Variants in GRM7 observed in about 807,000 individuals in gnomAD.
GRM7 encodes glutamate metabotropic receptor 7.
Under a neutral mutation model 84.5 loss-of-function variants are expected in GRM7, and 35 were observed. The observed-to-expected ratio is 0.41, with a 90% CI of 0.32 to 0.55. GRM7 has a LOEUF of 0.55. GRM7 is among the 20% of genes least tolerant of loss of function. GRM7 has a pLI of 0.19. For synonymous variants in GRM7, 487 were observed against 455.1 expected (o/e 1.07, Z -0.89); for missense variants, 1,003 against 1,194.6 (o/e 0.84, Z 2.36).
chr3:7,324,053 A>G (rs181478114), intron 4 of GRM7, among the ~76,000 whole-genome samples: 1 of 152,082 alleles, frequency 6.6e-6, no homozygotes, highest in Admixed American at 6.5e-5. Context: ...AGTTCATTCT[A>G]ATTATATATT....
rs187891379 is a variant in GRM7, at chr3:7,051,572, A to T, written c.520-94880A>T. On this transcript the variant is annotated intron_variant, in intron 1 of 9. Transcript: ENST00000357716. ...TTTTTCTTTTTAACTCAAATTACTG[A>T]TGAAGGAATCCTTAGGAAAAGTTGA... is the stretch of plus-strand genomic sequence containing the variant. Among the ~76,000 whole-genome samples, 9 of 151,896 alleles carry T rather than the reference A, an allele frequency of 5.9e-5. No homozygotes were observed. The East Asian group carries it at 1.2e-3, about 20-fold the overall frequency.
At chr3:6,986,229 C>CA (rs767836893) in intron 1 of GRM7, among the ~76,000 whole-genome samples, 2 of 151,978 alleles carry the variant, frequency 1.3e-5, no homozygotes, top group South Asian at 2.1e-4. Context: ...TGAAAAAACC[C>CA]AAAAAACACA....
chr3:7,541,078 G>A (rs112010321), intron 7 of GRM7, among the ~76,000 whole-genome samples: 45 of 152,178 alleles, frequency 3.0e-4, no homozygotes, highest in African/African-American at 1.0e-3. Flanking sequence ...CAGTGATATG[G>A]GGGCCAGGAA....
chr3:7,543,348 A>G (rs536905734), intron 7 of GRM7, among the ~76,000 whole-genome samples: 2 of 152,320 alleles, frequency 1.3e-5, no homozygotes, highest in South Asian at 4.1e-4. Context: ...GTGGTGGTGG[A>G]GATGACAATG....
intron 7 of GRM7, among the ~76,000 whole-genome samples, chr3:7,528,214 C>T (rs1207112395): frequency 6.6e-6 from 1 of 151,954 alleles, no homozygotes; most frequent in Admixed American, 6.6e-5. Flanking sequence ...CATTATTGGT[C>T]TGTTGAGGGT....
chr3:6,947,189 T>C (rs1001232089), intron 1 of GRM7, among the ~76,000 whole-genome samples: 3 of 152,194 alleles, frequency 2.0e-5, no homozygotes, highest in Non-Finnish European at 4.4e-5. Context: ...GGCTGTGGGT[T>C]TGTCGTAGAT....
chr3:7,421,076 G>A (rs999634849), intron 5 of GRM7, among the ~76,000 whole-genome samples: 3 of 152,102 alleles, frequency 2.0e-5, no homozygotes, highest in Admixed American at 6.5e-5. Flanking sequence ...ATAGACTTTA[G>A]TGTAACATTA....
chr3:7,306,378 T>A, intron 3 of GRM7, 120 bp from the exon 4 acceptor site: 1 of 773,468 alleles, frequency 1.3e-6, no homozygotes, highest in Non-Finnish European at 2.2e-6. Context: ...TTATCAAGTT[T>A]TTTGCAATTA....
intron 3 of GRM7, 118 bp downstream of exon 3, chr3:7,298,943 C>A: frequency 1.1e-6 from 1 of 921,120 alleles, no homozygotes; most frequent in Non-Finnish European, 1.7e-6. Flanking sequence ...AATCATACAG[C>A]GGCGAAGTCT....
intron 1 of GRM7, among the ~76,000 whole-genome samples, chr3:7,035,010 G>C (rs1396354321): frequency 6.6e-6 from 1 of 152,130 alleles, no homozygotes; most frequent in East Asian, 1.9e-4. Context: ...CCTTTTCTAG[G>C]TTCTTGGGGA....
intron 2 of GRM7, among the ~76,000 whole-genome samples, chr3:7,282,255 T>C (rs1337088383): frequency 6.6e-6 from 1 of 152,222 alleles, no homozygotes; most frequent in Non-Finnish European, 1.5e-5. Flanking sequence ...ATTATCTTAC[T>C]ATACTGGAGG....
At chr3:7,565,017 G>A (rs1694195317) in intron 7 of GRM7, among the ~76,000 whole-genome samples, 1 of 152,162 alleles carries the variant, frequency 6.6e-6, no homozygotes, top group Non-Finnish European at 1.5e-5. Context: ...CCTCCACCTA[G>A]TAACTGAGTG....
intron 2 of GRM7, among the ~76,000 whole-genome samples, chr3:7,191,949 T>C (rs1210311271): frequency 6.6e-6 from 1 of 152,122 alleles, no homozygotes; most frequent in Non-Finnish European, 1.5e-5. Flanking sequence ...ACCAGGTACA[T>C]CCGAATTTTA....
intron 1 of GRM7, among the ~76,000 whole-genome samples, chr3:7,021,925 G>A (rs181812365): frequency 1.9e-4 from 29 of 152,190 alleles, no homozygotes; most frequent in Non-Finnish European, 2.2e-4. Flanking sequence ...TGCCTAATGC[G>A]TTACTACACT....
chr3:7,726,642 TATATATATATATATATATATATAG>T (rs1397148450), intron 9 of GRM7, among the ~76,000 whole-genome samples: 10 of 113,116 alleles, frequency 8.8e-5, no homozygotes, highest in South Asian at 6.3e-4. Context: ...TATATATATA[TATATATATATATATATATATATAG>T]GTTTTCCCCA....
chr3:6,974,394 C>A (rs754913074), intron 1 of GRM7, among the ~76,000 whole-genome samples: 2 of 152,026 alleles, frequency 1.3e-5, no homozygotes, highest in Non-Finnish European at 2.9e-5. Flanking sequence ...GAGCTGTCAG[C>A]CTAGAAATAA....
chr3:7,096,739 C>G (rs1698874187), intron 1 of GRM7, among the ~76,000 whole-genome samples: 1 of 152,038 alleles, frequency 6.6e-6, no homozygotes, highest in South Asian at 2.1e-4. Context: ...TTGACCAATC[C>G]CATATGAAAG....
intron 4 of GRM7, among the ~76,000 whole-genome samples, chr3:7,308,917 T>C (rs1575149782): frequency 1.3e-5 from 2 of 152,208 alleles, no homozygotes; most frequent in Non-Finnish European, 2.9e-5. Context: ...CATGTAGATA[T>C]AGAAATATAC....
chr3:7,676,686 G>A (rs55883798), intron 8 of GRM7, among the ~76,000 whole-genome samples: 9 of 151,922 alleles, frequency 5.9e-5, no homozygotes, highest in African/African-American at 1.4e-4. Context: ...TGCCCGCCTC[G>A]GCCTCCCAAA....
Sources: allele counts gnomAD v4.1 joint callset (sites outside exome capture counted in the v4.1 genomes callset), GRCh38; gene constraint gnomAD v4.1.1; transcripts MANE v1.5; gene names NCBI Gene and HGNC (gene_info 2026-07-23, HGNC 2026-07-21).